The following RSU1 variants were observed in gnomAD, a reference collection of about 807,000 sequenced individuals.
RSU1 encodes rsu-1.
Under a neutral mutation model 31.1 loss-of-function variants are expected in RSU1, and 26 were observed. The observed-to-expected ratio is 0.84, with a 90% CI of 0.61 to 1.16. The LOEUF (loss-of-function observed/expected upper bound fraction) is 1.16, where lower values mean the gene tolerates loss of function less well. Among genes scored for constraint, RSU1 ranks in the 50% most tolerant of loss-of-function variants. RSU1 has a pLI of 0.00. For synonymous variants in RSU1, 164 were observed against 136.3 expected, an observed-to-expected ratio of 1.20 and a Z score of -1.41; for missense variants, 320 against 339.1, an observed-to-expected ratio of 0.94 and a Z score of 0.44.
intron 8 of RSU1, among the ~76,000 whole-genome samples, chr10:16,687,580 T>C (rs1485337248): frequency 3.3e-5 from 5 of 152,076 alleles, no homozygotes; most frequent in South Asian, 2.1e-4. Context: ...TGGAAGAGAG[T>C]AAGAACTTAC....
At position 16,764,588 on chromosome 10, in the gene RSU1, T is replaced by C. The variant is rs560273411; in HGVS notation, c.161-78A>G. 3.5e-4 allele frequency: 512 copies of C among 1,451,954 alleles called. 1 individual carries two copies. The highest frequency in any genetic ancestry group is 2.0e-3 in the South Asian group (142 of 71,582). The allele number at this position is 1,451,954 out of a possible 1,614,324, so 89.9% of individuals were successfully genotyped here. A position where few individuals can be genotyped will look rare whatever the true frequency, so the allele number is the denominator to read the frequency against. On this transcript the variant is annotated intron_variant, in intron 3 of 8. Transcript: ENST00000345264. ...GGATGGCAGCGGCACATTTTGTTTTTCTTTCAAAGCAAAGAAAGACATAAC... is the reference window on the plus strand; with the variant it reads ...GGATGGCAGCGGCACATTTTGTTTTCCTTTCAAAGCAAAGAAAGACATAAC...
chr10:16,664,324 C>A (rs548458961), intron 8 of RSU1, among the ~76,000 whole-genome samples: 7 of 152,300 alleles, frequency 4.6e-5, no homozygotes, highest in Non-Finnish European at 7.3e-5. Flanking sequence ...CTGATGATGG[C>A]TCTAGCTCTG....
At chr10:16,641,575 T>G (rs1834443401) in intron 8 of RSU1, among the ~76,000 whole-genome samples, 1 of 152,128 alleles carries the variant, frequency 6.6e-6, no homozygotes, top group Admixed American at 6.5e-5. Context: ...AAGTACATCT[T>G]TATTAGGACA....
chr10:16,747,297 C>T (rs376314306), intron 7 of RSU1, among the ~76,000 whole-genome samples: 7 of 152,186 alleles, frequency 4.6e-5, no homozygotes, highest in African/African-American at 1.7e-4. Flanking sequence ...ATGCCCCAAA[C>T]TATATATGCA....
At chr10:16,726,233 T>G (rs1476641769) in intron 7 of RSU1, among the ~76,000 whole-genome samples, 1 of 152,002 alleles carries the variant, frequency 6.6e-6, no homozygotes, top group Non-Finnish European at 1.5e-5. Context: ...TACCTGCTTC[T>G]TGACCTACCT....
intron 8 of RSU1, among the ~76,000 whole-genome samples, chr10:16,596,356 A>G (rs1012414399): frequency 6.6e-6 from 1 of 152,146 alleles, no homozygotes; most frequent in African/African-American, 2.4e-5. Context: ...GAAATGCTCA[A>G]AGTAGATCCC....
chr10:16,679,013 A>G (rs1055863947), intron 8 of RSU1, among the ~76,000 whole-genome samples: 16 of 152,354 alleles, frequency 1.1e-4, no homozygotes, highest in Admixed American at 4.6e-4. Context: ...CATTTGCACC[A>G]TAAGAGTAAT....
chr10:16,620,282 G>C (rs1298180811), intron 8 of RSU1, among the ~76,000 whole-genome samples: 1 of 152,174 alleles, frequency 6.6e-6, no homozygotes, highest in Non-Finnish European at 1.5e-5. Context: ...GTAGGCTGCT[G>C]TTGATGTCAA....
At chr10:16,796,998 A>G (rs1304174829) in intron 2 of RSU1, among the ~76,000 whole-genome samples, 1 of 152,230 alleles carries the variant, frequency 6.6e-6, no homozygotes, top group African/African-American at 2.4e-5. Flanking sequence ...CCGAATAGCT[A>G]AACAAATTCA....
At position 16,728,665 on chromosome 10, in the gene RSU1, G is replaced by A. The variant is rs1458294715; in HGVS notation, c.598+23874C>T. 3.3e-5 allele frequency among the ~76,000 whole-genome samples: 5 copies of A among 152,318 alleles called. No homozygotes were observed. In the East Asian group the frequency reaches 9.6e-4, roughly 29 times the overall value. On this transcript the variant is annotated intron_variant, in intron 7 of 8. Coordinates refer to ENST00000345264, the MANE Select transcript of RSU1 (RefSeq NM_012425.4). ...GAGGCAAAAGGGACTTTGTCGAAGTGGATAAGTGAAGGATCTTGAGTTGGG... is the reference window on the plus strand; with the variant it reads ...GAGGCAAAAGGGACTTTGTCGAAGTAGATAAGTGAAGGATCTTGAGTTGGG...
At chr10:16,737,745 A>T (rs1836657921) in intron 7 of RSU1, among the ~76,000 whole-genome samples, 1 of 135,772 alleles carries the variant, frequency 7.4e-6, no homozygotes, top group South Asian at 2.1e-4. Flanking sequence ...TATTTAAGAA[A>T]ACTAACTTAA....
chr10:16,636,188 C>T (rs1834342294), intron 8 of RSU1, among the ~76,000 whole-genome samples: 1 of 152,178 alleles, frequency 6.6e-6, no homozygotes. Flanking sequence ...CTCCAGATGC[C>T]TAGAGCCACC....
chr10:16,737,383 C>A (rs1836648428), intron 7 of RSU1, among the ~76,000 whole-genome samples: 1 of 151,360 alleles, frequency 6.6e-6, no homozygotes, highest in Non-Finnish European at 1.5e-5. Context: ...AAAATAGACA[C>A]AGAGAACAAT....
At chr10:16,784,835 A>G (rs564851752) in intron 2 of RSU1, among the ~76,000 whole-genome samples, 5 of 152,318 alleles carry the variant, frequency 3.3e-5, no homozygotes, top group Non-Finnish European at 7.3e-5. Context: ...GTCCCACGAC[A>G]TGTAGGAATT....
intron 8 of RSU1, among the ~76,000 whole-genome samples, chr10:16,668,163 G>A (rs1486772553): frequency 6.6e-6 from 1 of 152,036 alleles, no homozygotes; most frequent in East Asian, 1.9e-4. Flanking sequence ...GAGAAAATGG[G>A]GATAAGCAGT....
At chr10:16,599,724 G>A (rs1220730721) in intron 8 of RSU1, among the ~76,000 whole-genome samples, 1 of 152,254 alleles carries the variant, frequency 6.6e-6, no homozygotes, top group Non-Finnish European at 1.5e-5. Flanking sequence ...TAACCTCTTA[G>A]GAAGCTTCTC....
chr10:16,807,799 G>A (rs1361837741), intron 2 of RSU1, among the ~76,000 whole-genome samples: 2 of 152,088 alleles, frequency 1.3e-5, no homozygotes, highest in Admixed American at 6.5e-5. Context: ...TGAGGCAGGC[G>A]GATCATGATG....
chr10:16,670,215 G>C lies in RSU1; in HGVS notation c.731+24808C>G, dbSNP rs186694033. On this transcript the variant is annotated intron_variant, in intron 8 of 8. Transcript: ENST00000345264. ...AGAACATTTTAAATTACAGAAGAAA[G>C]CGCAGGGGCTAGCAAACTTGGCTTG... is the stretch of plus-strand genomic sequence containing the variant. 3.3e-3 allele frequency among the ~76,000 whole-genome samples: 504 copies of C among 152,356 alleles called. 3 individuals are homozygous for C. The highest frequency in any genetic ancestry group is 7.9e-3 in the South Asian group (38 of 4,826).
At chr10:16,761,809 T>C (rs1837216245) in intron 4 of RSU1, among the ~76,000 whole-genome samples, 1 of 152,068 alleles carries the variant, frequency 6.6e-6, no homozygotes, top group South Asian at 2.1e-4. Flanking sequence ...TGAGCCAAGA[T>C]TGTGCCACCA....
Sources: allele counts gnomAD v4.1 joint callset (sites outside exome capture counted in the v4.1 genomes callset), GRCh38; gene constraint gnomAD v4.1.1; transcripts MANE v1.5; gene names NCBI Gene and HGNC (gene_info 2026-07-23, HGNC 2026-07-21).